Variants in ZFAT observed in about 807,000 individuals in gnomAD.
ZFAT encodes zinc finger and AT-hook domain containing.
ZFAT carries 64 observed loss-of-function variants against 117.7 expected under a neutral mutation model. The observed-to-expected ratio is 0.54, with a 90% CI of 0.44 to 0.67. The LOEUF is 0.67. ZFAT is among the 30% of genes least tolerant of loss of function. The pLI is 0.00. For missense variants in ZFAT, 1,433 were observed against 1,584.5 expected, an observed-to-expected ratio of 0.90 and a Z score of 1.62; for synonymous variants, 679 against 615.0, an observed-to-expected ratio of 1.10 and a Z score of -1.54.
At chr8:134,798,207 A>AT in the ZFAT span, 1 of 152,116 alleles carries the variant, frequency 6.6e-6, no homozygotes, top group South Asian at 2.1e-4. Context: ...TGCTCACCAA[A>AT]TAATTATAAG....
the ZFAT span, among the ~76,000 whole-genome samples, chr8:134,823,296 A>T: frequency 6.6e-6 from 1 of 152,320 alleles, no homozygotes; most frequent in East Asian, 1.9e-4. Flanking sequence ...CTTAAGTTTA[A>T]AAAAAATTAG....
intron 12 of ZFAT, among the ~76,000 whole-genome samples, chr8:134,527,087 G>A (rs1821078744): frequency 6.6e-6 from 1 of 152,096 alleles, no homozygotes; most frequent in Admixed American, 6.5e-5. Context: ...TAAGAAGAAG[G>A]CAGGAGAGGG....
intron 13 of ZFAT, among the ~76,000 whole-genome samples, chr8:134,515,882 A>G (rs1014362600): frequency 2.0e-5 from 3 of 152,240 alleles, no homozygotes; most frequent in Non-Finnish European, 4.4e-5. Flanking sequence ...TCTCTAAAAA[A>G]TAAAACTCAT....
intron 3 of ZFAT, among the ~76,000 whole-genome samples, chr8:134,612,868 T>C (rs974606987): frequency 2.6e-5 from 4 of 152,226 alleles, no homozygotes; most frequent in South Asian, 2.1e-4. Context: ...GGAAAACAAG[T>C]GATCTCAAAG....
At chr8:134,490,864 A>G (rs916026052) in intron 15 of ZFAT, among the ~76,000 whole-genome samples, 1 of 152,178 alleles carries the variant, frequency 6.6e-6, no homozygotes, top group African/African-American at 2.4e-5. Flanking sequence ...GGTCTGGAGA[A>G]GAAACCCAAG....
the ZFAT span, chr8:134,800,490 A>T: frequency 1.6e-3 from 768 of 490,704 alleles, 10 homozygotes; most frequent in South Asian, 9.9e-3. Flanking sequence ...ATTCTTGCCA[A>T]ATCTTTTATC....
At chr8:134,782,672 C>T in the ZFAT span, among the ~76,000 whole-genome samples, 1 of 152,074 alleles carries the variant, frequency 6.6e-6, no homozygotes, top group Non-Finnish European at 1.5e-5. Flanking sequence ...GGGAAACCCC[C>T]TTTGCTTGAT....
intron 15 of ZFAT, among the ~76,000 whole-genome samples, chr8:134,495,770 A>T (rs537135705): frequency 7.9e-5 from 12 of 152,182 alleles, no homozygotes; most frequent in Non-Finnish European, 1.5e-4. Context: ...TCTCTAGAAA[A>T]GATACAAAAA....
Position 134,610,523 on chromosome 8 carries a change from C to T in ZFAT, c.581G>A (p.Gly194Glu), listed in dbSNP as rs1828252029. 3 of 1,614,164 alleles carry T rather than the reference C, an allele frequency of 1.9e-6. No homozygotes were observed. Among genetic ancestry groups the T allele is most frequent in the Non-Finnish European group, 2.5e-6 (3 of 1,180,028 alleles). The change falls in exon 4 of 16, where the codon GGG becomes GAG. Residue 194 changes from glycine to glutamate, a missense_variant. Physicochemically the swap from Gly to Glu is moderately conservative, Grantham distance 98. Coordinates refer to ENST00000377838, the MANE Select transcript of ZFAT (RefSeq NM_020863.4). ...ISGKEARQLS[G>E]AKKPIISVVL... ...CACACTTATGATGGGTTTCTTCGCC[C>T]CAGAAAGCTGTCTGGCCTCCTTTCC...
intron 1 of ZFAT, among the ~76,000 whole-genome samples, chr8:134,696,065 C>T (rs1460629913): frequency 6.6e-6 from 1 of 151,976 alleles, no homozygotes; most frequent in Non-Finnish European, 1.5e-5. Context: ...CTGCCTGCGT[C>T]TCTAACTAAG....
At chr8:134,538,074 C>T (rs1821968233) in intron 11 of ZFAT, among the ~76,000 whole-genome samples, 1 of 152,140 alleles carries the variant, frequency 6.6e-6, no homozygotes, top group Non-Finnish European at 1.5e-5. Flanking sequence ...AAGCAACTAG[C>T]AGAGGTCCTA....
At chr8:134,660,058 C>A (rs976990233) in intron 1 of ZFAT, among the ~76,000 whole-genome samples, 1 of 152,286 alleles carries the variant, frequency 6.6e-6, no homozygotes, top group Admixed American at 6.5e-5. Context: ...AAATGCTTCC[C>A]GAACAAGAAG....
At chr8:134,766,449 T>G in the ZFAT span, 1 of 152,214 alleles carries the variant, frequency 6.6e-6, no homozygotes, top group Non-Finnish European at 1.5e-5. Context: ...GGTTCAACCA[T>G]CATTAACTCA....
chr8:134,761,578 TAGTCCCAGCTACTTGGG>T, the ZFAT span, among the ~76,000 whole-genome samples: 1 of 151,890 alleles, frequency 6.6e-6, no homozygotes, highest in South Asian at 2.1e-4. Context: ...CAAATGCCTG[TAGTCCCAGCTACTTGGG>T]AGGCTGAGGC....
intron 11 of ZFAT, among the ~76,000 whole-genome samples, chr8:134,547,170 T>C (rs984721241): frequency 6.6e-6 from 1 of 152,206 alleles, no homozygotes; most frequent in Non-Finnish European, 1.5e-5. Context: ...GCCAAACTAG[T>C]GTTCTAGCTA....
chr8:134,670,881 G>A (rs1281646405), intron 1 of ZFAT, among the ~76,000 whole-genome samples: 1 of 152,078 alleles, frequency 6.6e-6, no homozygotes, highest in Non-Finnish European at 1.5e-5. Context: ...AGAAAACAGA[G>A]AAGAATCAAA....
intron 1 of ZFAT, among the ~76,000 whole-genome samples, chr8:134,696,957 G>A (rs1040878809): frequency 6.1e-5 from 9 of 148,142 alleles, no homozygotes; most frequent in Non-Finnish European, 1.2e-4. Flanking sequence ...TCGCTGTGTC[G>A]CCCAGGCTGG....
intron 10 of ZFAT, among the ~76,000 whole-genome samples, chr8:134,570,903 G>A (rs995089892): frequency 7.2e-5 from 11 of 152,210 alleles, no homozygotes; most frequent in Non-Finnish European, 1.2e-4. Flanking sequence ...GGTGAAACAA[G>A]TAAGCAAGCC....
At position 134,519,611 on chromosome 8, in the gene ZFAT, C is replaced by T. The variant is rs867371337; in HGVS notation, c.3234+1272G>A. On this transcript the variant is annotated intron_variant, in intron 13 of 15. Coordinates refer to ENST00000377838, the MANE Select transcript of ZFAT (RefSeq NM_020863.4). The stretch of plus-strand genomic sequence containing the variant: ...ATTCTTTTGGATTTTCTGAAAATAT[C>T]ATCCTATTATATGTATAGAGAGATA... Among the ~76,000 whole-genome samples the T allele has an allele frequency of 7.2e-5, 11 of 152,260 alleles. 1 individual carries two copies. The Middle Eastern group carries it at 0.01, about 141-fold the overall frequency.
Sources: allele counts gnomAD v4.1 joint callset (sites outside exome capture counted in the v4.1 genomes callset), GRCh38; gene constraint gnomAD v4.1.1; transcripts MANE v1.5; gene names NCBI Gene and HGNC (gene_info 2026-07-23, HGNC 2026-07-21).